Variants in C17orf78 observed in about 807,000 individuals in gnomAD.
C17orf78 encodes uncharacterized protein C17orf78.
Under a neutral mutation model 31.8 loss-of-function variants are expected in C17orf78, and 27 were observed. The observed-to-expected ratio is 0.85, with a 90% confidence interval of 0.63 to 1.17. The LOEUF is 1.17. C17orf78 is among the 50% of genes most tolerant of loss of function. C17orf78 has a pLI of 0.00. For synonymous variants in C17orf78, 106 were observed against 115.1 expected, an observed-to-expected ratio of 0.92 and a Z score of 0.51; for missense variants, 258 against 315.2, an observed-to-expected ratio of 0.82 and a Z score of 1.37.
intron 3 of C17orf78, among the ~76,000 whole-genome samples, chr17:37,383,412 C>T (rs2050390961): frequency 6.6e-6 from 1 of 152,088 alleles, no homozygotes; most frequent in African/African-American, 2.4e-5. Flanking sequence ...AGTTGGTTCC[C>T]ACATCTAGAA....
chr17:37,387,461 C>G (rs2050593293), intron 4 of C17orf78: 1 of 148,524 alleles, frequency 6.7e-6, no homozygotes, highest in African/African-American at 2.5e-5. Flanking sequence ...TGTTTTTGTT[C>G]TTTAAGATGG....
Position 37,390,233 on chromosome 17 carries a change from TATA to T in C17orf78, c.750+875_750+877del, listed in dbSNP as rs534678078. ...TATATATTTATTATATATAATTATA[TATA>T]ATATATTATATATATATTATATATA... On this transcript the variant is annotated intron_variant, in intron 6 of 6. Coordinates refer to ENST00000615133, the MANE Select transcript of C17orf78 (RefSeq NM_173625.5). 6.0e-3 allele frequency among the ~76,000 whole-genome samples: 313 copies of T among 51,960 alleles called. 7 individuals are homozygous for T. Among genetic ancestry groups the T allele is most frequent in the African/African-American group, 0.037 (300 of 8,028 alleles). The allele number at this position is 51,960 out of a possible 152,430, so 34.1% of individuals were successfully genotyped here.
rs934868148 is a variant in C17orf78 at position 37,391,318 on chromosome 17, G to T, written c.751-329G>T. 3.3e-5 allele frequency among the ~76,000 whole-genome samples: 5 copies of T among 152,174 alleles called. No homozygotes were observed. In the South Asian group the frequency reaches 1.0e-3, roughly 31 times the overall value. ...ACAGAAATCCTGGAAAGTAGCCAGG[G>T]CAAGTATCTACATTTTACTCATACT... On this transcript the variant is annotated intron_variant, in intron 6 of 6. Transcript: ENST00000615133.
At chr17:37,382,739 A>G (rs1379886511) in intron 3 of C17orf78, among the ~76,000 whole-genome samples, 2 of 152,152 alleles carry the variant, frequency 1.3e-5, no homozygotes, top group African/African-American at 4.8e-5. Context: ...GTGTGCCTGT[A>G]GTCCTAGCTA....
At position 37,376,054 on chromosome 17, in the gene C17orf78, G is replaced by T. The variant is rs763721888; in HGVS notation, c.-39G>T. 1.9e-6 allele frequency: 3 copies of T among 1,562,430 alleles called. No individual in the cohort carries two copies. The highest frequency in any genetic ancestry group is 2.6e-6 in the Non-Finnish European group (3 of 1,133,454). On this transcript the variant is annotated 5_prime_UTR_variant, in exon 1 of 7. Coordinates refer to ENST00000615133, the MANE Select transcript of C17orf78 (RefSeq NM_173625.5). ...AGCTATCAAGGGCTGTGACAGATGAGCAGTGGTCTGTCTGCAATGAGCATG... is the reference window on the plus strand; with the variant it reads ...AGCTATCAAGGGCTGTGACAGATGATCAGTGGTCTGTCTGCAATGAGCATG...
At chr17:37,389,528 C>G (rs1252381334) in intron 6 of C17orf78, among the ~76,000 whole-genome samples, 166 bp downstream of exon 6, 2 of 152,026 alleles carry the variant, frequency 1.3e-5, no homozygotes, top group Admixed American at 1.3e-4. Flanking sequence ...CCTGTCTCTA[C>G]TAAAAATACA....
intron 6 of C17orf78, among the ~76,000 whole-genome samples, chr17:37,390,065 G>T (rs1437799855): frequency 1.5e-5 from 2 of 136,612 alleles, no homozygotes; most frequent in African/African-American, 5.6e-5. Context: ...GCAGAGGCAG[G>T]AGACTTGCTA....
chr17:37,381,789 A>G (rs542046178), intron 3 of C17orf78, among the ~76,000 whole-genome samples: 18 of 151,480 alleles, frequency 1.2e-4, no homozygotes, highest in East Asian at 1.2e-3. Context: ...CACCACACCC[A>G]GTTAATTTTT....
At chr17:37,383,399 A>T (rs968286332) in intron 3 of C17orf78, among the ~76,000 whole-genome samples, 2 of 152,222 alleles carry the variant, frequency 1.3e-5, no homozygotes, top group African/African-American at 4.8e-5. Flanking sequence ...TTCATAACAT[A>T]GTAGTTGGTT....
At chr17:37,386,728 G>A (rs545806814) in intron 4 of C17orf78, among the ~76,000 whole-genome samples, 1 of 152,252 alleles carries the variant, frequency 6.6e-6, no homozygotes, top group African/African-American at 2.4e-5. Context: ...CTGTATTTCT[G>A]TAGTAGGTAA....
chr17:37,390,264 TATATATA>T (rs562554232), intron 6 of C17orf78, among the ~76,000 whole-genome samples: 10 of 65,674 alleles, frequency 1.5e-4, no homozygotes, highest in Non-Finnish European at 2.5e-4. Flanking sequence ...TATATATAAT[TATATATA>T]ATATATTATA....
At chr17:37,377,271 C>G (rs2050040942) in intron 1 of C17orf78, among the ~76,000 whole-genome samples, 2 of 152,268 alleles carry the variant, frequency 1.3e-5, no homozygotes, top group Admixed American at 6.5e-5. Context: ...TTTCTTAACT[C>G]TATTTGACCT....
chr17:37,383,603 A>C lies in C17orf78; in HGVS notation c.392-2406A>C, dbSNP rs549356586. ...CGCTTTGTCCCCCAGGATGGGGTAC[A>C]GTGGTGCAACCTCAGCTCACTGCAA... On this transcript the variant is annotated intron_variant, in intron 3 of 6. Transcript: ENST00000615133. Among the ~76,000 whole-genome samples the C allele has an allele frequency of 6.8e-4, 103 of 152,384 alleles. No homozygotes were observed. In the South Asian group the frequency reaches 0.021, roughly 31 times the overall value.
chr17:37,383,136 C>G (rs1398650441), intron 3 of C17orf78, among the ~76,000 whole-genome samples: 2 of 152,164 alleles, frequency 1.3e-5, no homozygotes, highest in African/African-American at 4.8e-5. Context: ...CATGTGACAC[C>G]TTGCTGTCCA....
rs1052940928 is a variant in C17orf78 at position 37,380,981 on chromosome 17, C to T, written c.391+1599C>T. 7.9e-5 allele frequency among the ~76,000 whole-genome samples: 12 copies of T among 151,842 alleles called. 3 individuals carry two copies. The highest frequency in any genetic ancestry group is 7.9e-4 in the Admixed American group (12 of 15,248). ...GATTTATAGTGAAAAGTAAGTCTCT[C>T]TCCTACTCCTGTCTCTCAATTCTCC... On this transcript the variant is annotated intron_variant, in intron 3 of 6. Coordinates refer to ENST00000615133, the MANE Select transcript of C17orf78 (RefSeq NM_173625.5).
chr17:37,384,573 A>C (rs1333205730), intron 3 of C17orf78, among the ~76,000 whole-genome samples: 6 of 152,092 alleles, frequency 3.9e-5, no homozygotes, highest in East Asian at 3.8e-4. Flanking sequence ...AAAAAAAAAA[A>C]CACAGATAAC....
rs535699860 is a variant in C17orf78, at chr17:37,381,477, C to T, written c.391+2095C>T. Among the ~76,000 whole-genome samples the T allele has an allele frequency of 1.6e-4, 25 of 151,922 alleles. 1 individual carries two copies. Among genetic ancestry groups the T allele is most frequent in the African/African-American group, 2.9e-4 (12 of 41,264 alleles). ...CTAGGATTACAAGCGTTAGCCACTG[C>T]GCCTGGCCAATCCCTTGCTTTTCCA... On this transcript the variant is annotated intron_variant, in intron 3 of 6. Transcript: ENST00000615133.
chr17:37,382,612 A>G (rs892539290), intron 3 of C17orf78, among the ~76,000 whole-genome samples: 9 of 152,216 alleles, frequency 5.9e-5, no homozygotes, highest in Admixed American at 5.2e-4. Flanking sequence ...CTGTAATCCC[A>G]GCACTTTGGA....
intron 3 of C17orf78, among the ~76,000 whole-genome samples, chr17:37,379,666 A>T (rs1429667129): frequency 1.3e-5 from 2 of 152,078 alleles, no homozygotes; most frequent in Non-Finnish European, 2.9e-5. Context: ...CAAAAAACAC[A>T]TGAAAAAATG....
Sources: allele counts gnomAD v4.1 joint callset (sites outside exome capture counted in the v4.1 genomes callset), GRCh38; gene constraint gnomAD v4.1.1; transcripts MANE v1.5; gene names NCBI Gene and HGNC (gene_info 2026-07-23, HGNC 2026-07-21).